MTOR: variants seen among roughly 807,000 people sequenced by gnomAD.
The protein encoded by MTOR is serine/threonine-protein kinase mTOR.
In MTOR, 70 loss-of-function variants were observed where a neutral mutation model predicts 319.8. That is an observed-to-expected ratio of 0.22 (90% CI 0.18 to 0.27). MTOR has a LOEUF of 0.27. Among genes scored for constraint, MTOR ranks in the 10% least tolerant of loss-of-function variants. MTOR has a pLI of 1.00. For synonymous variants in MTOR, 1,183 were observed against 1,211.4 expected, an observed-to-expected ratio of 0.98 and a Z score of 0.49; for missense variants, 1,890 against 3,274.4, an observed-to-expected ratio of 0.58 and a Z score of 10.32.
intron 31 of MTOR, chr1:11,149,325 T>C (rs1055812369): frequency 6.6e-6 from 1 of 152,176 alleles, no homozygotes; most frequent in Admixed American, 6.6e-5. Flanking sequence ...CTTTCAGCCC[T>C]GTCCACTGAC....
chr1:11,125,597 G>A (rs995590446), intron 46 of MTOR, among the ~76,000 whole-genome samples: 1 of 151,760 alleles, frequency 6.6e-6, no homozygotes, highest in Non-Finnish European at 1.5e-5. Context: ...TGATTGTGTG[G>A]CATGCGCCTG....
chr1:11,181,418 G>T lies in MTOR; in HGVS notation c.4254-13901C>A, dbSNP rs191298494. Among the ~76,000 whole-genome samples, 22 of 152,234 alleles carry T rather than the reference G, an allele frequency of 1.4e-4. No individual in the cohort carries two copies. In the East Asian group the frequency reaches 4.1e-3, roughly 28 times the overall value. ...TGGGCACCTGTAATTCCAGCTACTC[G>T]GGAGGCTGAGGCAAGAGAACTGCTT... On this transcript the variant is annotated intron_variant, in intron 28 of 57. Transcript: ENST00000361445.
chr1:11,216,028 G>A (rs923410352), intron 20 of MTOR, 120 bp downstream of exon 20: 1 of 645,504 alleles, frequency 1.5e-6, no homozygotes, highest in East Asian at 2.8e-5. Context: ...TCCACTTCCT[G>A]TACTAAGACT....
At chr1:11,253,356 A>G (rs550668736) in intron 6 of MTOR, among the ~76,000 whole-genome samples, 1 of 152,280 alleles carries the variant, frequency 6.6e-6, no homozygotes, top group South Asian at 2.1e-4. Context: ...ATGACATCAC[A>G]TTATTCGCCT....
chr1:11,123,562 G>A (rs980257120), intron 47 of MTOR, among the ~76,000 whole-genome samples: 1 of 152,010 alleles, frequency 6.6e-6, no homozygotes, highest in Admixed American at 6.6e-5. Context: ...TCAACCAACT[G>A]GGCTAAGATG....
intron 28 of MTOR, among the ~76,000 whole-genome samples, chr1:11,186,751 A>T (rs924188393): frequency 6.6e-6 from 1 of 152,174 alleles, no homozygotes; most frequent in Non-Finnish European, 1.5e-5. Context: ...CTTCATTTAG[A>T]TATTCAGAAT....
At chr1:11,258,633 C>T in intron 2 of MTOR, 40 bp from the exon 3 acceptor site, 5 of 1,495,328 alleles carry the variant, frequency 3.3e-6, no homozygotes, top group Non-Finnish European at 4.6e-6. Context: ...TCTAATAATT[C>T]TCTAACTGTG....
rs187570019 is a variant in MTOR, at chr1:11,194,068, G to A, written c.4253+5190C>T. On this transcript the variant is annotated intron_variant, in intron 28 of 57. Coordinates refer to ENST00000361445, the MANE Select transcript of MTOR (RefSeq NM_004958.4). ...CCGAACACTAGTCTCTGCTCTGGCCGAGCATGAGGTCCTTTAGGTGCAAAT... is the reference window on the plus strand; with the variant it reads ...CCGAACACTAGTCTCTGCTCTGGCCAAGCATGAGGTCCTTTAGGTGCAAAT... Among the ~76,000 whole-genome samples, 7 of 152,288 alleles carry A rather than the reference G, an allele frequency of 4.6e-5. No individual in the cohort carries two copies. In the East Asian group the frequency reaches 9.7e-4, roughly 21 times the overall value.
At position 11,171,254 on chromosome 1, in the gene MTOR, C is replaced by T. The variant is rs112494612; in HGVS notation, c.4254-3737G>A. On this transcript the variant is annotated intron_variant, in intron 28 of 57. Coordinates refer to ENST00000361445, the MANE Select transcript of MTOR (RefSeq NM_004958.4). ...TCTAACAACTGTCTTCAATCTTGTG[C>T]TCTGGAAAACATTCTATTTTCTTTT... Among the ~76,000 whole-genome samples the T allele has an allele frequency of 2.2e-3, 326 of 151,210 alleles. 7 individuals are homozygous for T. The highest frequency in any genetic ancestry group is 7.1e-3 in the African/African-American group (292 of 41,206).
chr1:11,187,512 T>C (rs2100691611), intron 28 of MTOR, among the ~76,000 whole-genome samples: 1 of 152,180 alleles, frequency 6.6e-6, no homozygotes, highest in African/African-American at 2.4e-5. Context: ...CAGGCGGTAA[T>C]GCTCACTCAC....
chr1:11,170,379 T>C (rs1390080301), intron 28 of MTOR, among the ~76,000 whole-genome samples: 1 of 150,946 alleles, frequency 6.6e-6, no homozygotes, highest in African/African-American at 2.5e-5. Flanking sequence ...TCTAGTTCCT[T>C]GAAGCCAAAT....
chr1:11,128,212 A>G lies in MTOR; in HGVS notation c.5911-86T>C. On this transcript the variant is annotated intron_variant, in intron 42 of 57. Coordinates refer to ENST00000361445, the MANE Select transcript of MTOR (RefSeq NM_004958.4). This position sits in a 1 kb window ranked among gnomAD's most constrained non-coding sequence, Gnocchi z 5.3. The stretch of plus-strand genomic sequence containing the variant: ...GAATTTTAAGGAGAATAACAAAACA[A>G]GTGGTGAGTGTGACATTAACATCTG... 6.5e-7 allele frequency: 1 copy of G among 1,548,744 alleles called. No homozygotes were observed. Among genetic ancestry groups the G allele is most frequent in the South Asian group, 1.2e-5 (1 of 83,970 alleles).
chr1:11,259,134 A>C lies in MTOR; in HGVS notation c.162+114T>G, dbSNP rs1376235686. 2.2e-6 allele frequency: 3 copies of C among 1,368,520 alleles called. No individual in the cohort carries two copies. The African/African-American group carries it at 4.5e-5, about 21-fold the overall frequency. The allele number at this position is 1,368,520 out of a possible 1,614,324, so 84.8% of individuals were successfully genotyped here. A position where few individuals can be genotyped will look rare whatever the true frequency, so the allele number is the denominator to read the frequency against. On this transcript the variant is annotated intron_variant, in intron 2 of 57. Coordinates refer to ENST00000361445, the MANE Select transcript of MTOR (RefSeq NM_004958.4). ...ATGTGACAGGTTGGGTGCCTTTATA[A>C]AATAATCTCTGTTTTCCAAATCCTC...
chr1:11,196,978 G>A (rs28990673), intron 28 of MTOR, among the ~76,000 whole-genome samples: 1 of 152,098 alleles, frequency 6.6e-6, no homozygotes, highest in African/African-American at 2.4e-5. Flanking sequence ...AATAAGCTCT[G>A]AAAAAGCAGA....
chr1:11,246,819 G>A (rs1313708690), intron 8 of MTOR, among the ~76,000 whole-genome samples: 1 of 152,160 alleles, frequency 6.6e-6, no homozygotes. Context: ...GTATGAACAG[G>A]CAACTAGAGC....
At position 11,170,097 on chromosome 1, in the gene MTOR, T is replaced by C. The variant is rs548394140; in HGVS notation, c.4254-2580A>G. Among the ~76,000 whole-genome samples the C allele has an allele frequency of 8.5e-5, 13 of 152,342 alleles. 1 individual carries two copies. In the South Asian group the frequency reaches 2.7e-3, roughly 32 times the overall value. The stretch of plus-strand genomic sequence containing the variant: ...CTAAGCAAGGCAATGAACCAGAATA[T>C]GCTCCATAAGTTAGCCTGCTACAAA... On this transcript the variant is annotated intron_variant, in intron 28 of 57. Transcript: ENST00000361445.
At chr1:11,206,404 C>T (rs1046475415) in intron 25 of MTOR, among the ~76,000 whole-genome samples, 8 of 152,184 alleles carry the variant, frequency 5.3e-5, no homozygotes, top group African/African-American at 4.8e-5. Context: ...CCCAGCTCCA[C>T]CATTGATGCT....
intron 28 of MTOR, among the ~76,000 whole-genome samples, chr1:11,179,186 G>A (rs2100658873): frequency 6.6e-6 from 1 of 152,322 alleles, no homozygotes; most frequent in South Asian, 2.1e-4. Context: ...AACAGTCAGA[G>A]GTGGCCATGA....
chr1:11,259,389 G>C lies in MTOR; in HGVS notation c.21C>G (p.Ala7=). 3 of 1,586,986 alleles carry C rather than the reference G, an allele frequency of 1.9e-6. No homozygotes were observed. Among genetic ancestry groups the C allele is most frequent in the Middle Eastern group, 1.7e-4 (1 of 5,918 alleles). Residue 7 remains alanine, a synonymous_variant, in exon 2 of 58, where the codon GCC becomes GCG. Transcript: ENST00000361445. ...ATGTGGTGGCAGCGGTGGTGGCGGC[G>C]GCAGGTCCGGTTCCAAGCATCTTGC... MLGTGP[A]AATTAATTSS... is the part of the protein sequence containing the mutation.
Sources: gnomAD v4.1 joint callset for allele counts (sites outside exome capture counted in the v4.1 genomes callset) on GRCh38, gnomAD v4.1.1 for gene constraint, Gnocchi (gnomAD v3.1) non-coding constraint, MANE v1.5 for transcripts, NCBI Gene and HGNC (gene_info 2026-07-23, HGNC 2026-07-21) for gene names.